Variants in CACNA1D observed in about 807,000 individuals in gnomAD.
The protein encoded by CACNA1D is calcium voltage-gated channel subunit alpha1 D.
In CACNA1D, 55 loss-of-function variants were observed where a neutral mutation model predicts 257.1. That is an observed-to-expected ratio of 0.21 (90% CI 0.17 to 0.27). CACNA1D has a LOEUF of 0.27. CACNA1D is among the 10% of genes least tolerant of loss of function. CACNA1D has a pLI of 1.00. For synonymous variants in CACNA1D, 980 were observed against 1,014.9 expected (o/e 0.97, Z 0.65); for missense variants, 1,876 against 2,784.0 (o/e 0.67, Z 7.34).
In CACNA1D at chr3:53,673,831, C is replaced by T. The variant is rs755418400; in HGVS notation, c.1220+705C>T. ...GTCCTTAGTGGGTAAGCAGTCGGAT[C>T]CGTGTTGCACCTTCTCCTGCTGCCA... On this transcript the variant is annotated intron_variant, in intron 8 of 47. Coordinates refer to ENST00000350061, the MANE Select transcript of CACNA1D (RefSeq NM_001128840.3). This position sits in a 1 kb window ranked among gnomAD's most constrained non-coding sequence, Gnocchi z 4.1. 6.6e-7 allele frequency: 1 copy of T among 1,513,174 alleles called. No individual in the cohort carries two copies. Among genetic ancestry groups the T allele is most frequent in the Non-Finnish European group, 9.2e-7 (1 of 1,088,018 alleles). The allele number at this position is 1,513,174 out of a possible 1,614,324, so 93.7% of individuals were successfully genotyped here. A position where few individuals can be genotyped will look rare whatever the true frequency, so the allele number is the denominator to read the frequency against.
intron 3 of CACNA1D, among the ~76,000 whole-genome samples, chr3:53,508,357 T>C (rs374287443): frequency 1.3e-5 from 2 of 152,246 alleles, no homozygotes; most frequent in African/African-American, 4.8e-5. Flanking sequence ...TGGGGGTACA[T>C]GTGAAGGTTT....
At chr3:53,792,451 A>G (rs1022126497) in intron 40 of CACNA1D, 3 of 152,230 alleles carry the variant, frequency 2.0e-5, no homozygotes, top group African/African-American at 4.8e-5. Context: ...TCTGAAGTGT[A>G]TAGAGAAAAG....
chr3:53,807,047 T>C (rs75617553), intron 45 of CACNA1D, among the ~76,000 whole-genome samples: 2,249 of 151,780 alleles, frequency 0.015, 26 homozygotes, highest in Middle Eastern at 0.027. Flanking sequence ...GCCCCGCAGC[T>C]CAGACCTTGG....
At chr3:53,560,400 A>G (rs1254071845) in intron 3 of CACNA1D, among the ~76,000 whole-genome samples, 1 of 152,174 alleles carries the variant, frequency 6.6e-6, no homozygotes, top group Non-Finnish European at 1.5e-5. Context: ...TAGTCTGTTT[A>G]TTTATTAATC....
rs1034967924 is a variant in CACNA1D, at chr3:53,647,794, T to C, written c.484-2985T>C. On this transcript the variant is annotated intron_variant, in intron 3 of 47. Transcript: ENST00000350061. ...TGAGGACCGGGATGACATTGGCTTCTAGACAAACTGGTCTGCCTGCTCTCC... is the reference window on the plus strand; with the variant it reads ...TGAGGACCGGGATGACATTGGCTTCCAGACAAACTGGTCTGCCTGCTCTCC... Among the ~76,000 whole-genome samples, 6 of 152,356 alleles carry C rather than the reference T, an allele frequency of 3.9e-5. No homozygotes were observed. In the East Asian group the frequency reaches 9.6e-4, roughly 24 times the overall value.
At chr3:53,685,056 G>C (rs759878332) in intron 8 of CACNA1D, among the ~76,000 whole-genome samples, 1 of 152,080 alleles carries the variant, frequency 6.6e-6, no homozygotes, top group Non-Finnish European at 1.5e-5. Flanking sequence ...AATTGCATTG[G>C]ACGAAAATGT....
At chr3:53,763,516 T>A (rs1166988881) in intron 30 of CACNA1D, among the ~76,000 whole-genome samples, 2 of 152,322 alleles carry the variant, frequency 1.3e-5, no homozygotes, top group East Asian at 3.9e-4. Flanking sequence ...GTCCAGTGTG[T>A]GTGCCGAGCC....
intron 15 of CACNA1D, among the ~76,000 whole-genome samples, chr3:53,729,497 G>A (rs1007132685): frequency 1.1e-4 from 16 of 152,102 alleles, no homozygotes; most frequent in African/African-American, 3.9e-4. Flanking sequence ...GTCACAGAAG[G>A]GGGCCTTCTC....
intron 5 of CACNA1D, among the ~76,000 whole-genome samples, chr3:53,662,877 C>T (rs375815333): frequency 2.0e-5 from 3 of 152,140 alleles, no homozygotes; most frequent in Non-Finnish European, 2.9e-5. Context: ...GAGCTAACTG[C>T]TGGGGGTTAG....
Position 53,774,358 on chromosome 3 carries a change from T to G in CACNA1D, c.4111-229T>G. ...ACCTTTGTGTCTCCCCCAGGGGAGATCCGCGAATGTGAGACCGTGCCCCTC... is the reference window on the plus strand; with the variant it reads ...ACCTTTGTGTCTCCCCCAGGGGAGAGCCGCGAATGTGAGACCGTGCCCCTC... On this transcript the variant is annotated intron_variant, in intron 33 of 47. Transcript: ENST00000350061. The surrounding 1 kb of genome is among the most constrained non-coding windows in gnomAD (Gnocchi z 4.3). The G allele has an allele frequency of 1.9e-6, 1 of 522,978 alleles. No individual in the cohort carries two copies. Among genetic ancestry groups the G allele is most frequent in the East Asian group, 3.5e-5 (1 of 28,772 alleles). 32.4% of individuals were successfully genotyped at this position (522,978 alleles called of 1,614,324 possible).
At chr3:53,760,840 G>A (rs1049024690) in intron 29 of CACNA1D, among the ~76,000 whole-genome samples, 25 of 152,346 alleles carry the variant, frequency 1.6e-4, no homozygotes, top group African/African-American at 5.8e-4. Context: ...CATTGCCCAT[G>A]TCAAGCACTG....
At chr3:53,738,613 A>G (rs1381601662) in intron 20 of CACNA1D, among the ~76,000 whole-genome samples, 1 of 152,162 alleles carries the variant, frequency 6.6e-6, no homozygotes, top group Non-Finnish European at 1.5e-5. Flanking sequence ...TTTTAATTAT[A>G]ACTGCTTCTC....
chr3:53,672,918 T>C (rs1012432331), intron 7 of CACNA1D, 105 bp from the exon 8 acceptor site: 1 of 759,860 alleles, frequency 1.3e-6, no homozygotes, highest in Non-Finnish European at 2.2e-6. Flanking sequence ...TAAATCTAAG[T>C]AAATGTTTAA....
At chr3:53,763,329 C>T (rs561200792) in intron 30 of CACNA1D, among the ~76,000 whole-genome samples, 121 of 152,306 alleles carry the variant, frequency 7.9e-4, no homozygotes, top group African/African-American at 2.8e-3. Flanking sequence ...ACCACTCTCC[C>T]TAGAAGCACT....
rs571831360 is a variant in CACNA1D, at chr3:53,598,875, T to G, written c.484-51904T>G. Among the ~76,000 whole-genome samples, 6 of 152,344 alleles carry G rather than the reference T, an allele frequency of 3.9e-5. No homozygotes were observed. In the East Asian group the frequency reaches 1.2e-3, roughly 29 times the overall value. On this transcript the variant is annotated intron_variant, in intron 3 of 47. Transcript: ENST00000350061. ...TGGCTCTGCAACTGTCCATGTCATC[T>G]TGGAAGATCTTTCTGAGTTGGGACA...
rs898158669 is a variant in CACNA1D at position 53,780,036 on chromosome 3, C to T, written c.4598C>T (p.Ala1533Val). The change falls in exon 38 of 48, where the codon GCC (alanine) becomes GTC (valine). Residue 1533 changes from alanine to valine, a missense_variant. By Grantham distance (64) the Ala-to-Val change is moderately conservative. Around this residue, in one of 10 missense-constraint regions of CACNA1D, gnomAD observed 83 missense variants for 210.7 expected, o/e 0.39. Transcript: ENST00000350061. Reference sequence around the variant, plus strand: ...CCTTTCTGTTTACAGAGATTAGTTGCCATGAACATGCCTCTCAACAGTGAC... The same window carrying T: ...CCTTTCTGTTTACAGAGATTAGTTGTCATGAACATGCCTCTCAACAGTGAC... The part of the protein sequence containing the change: ...PHRVACKRLV[A>V]MNMPLNSDGT... 1 of 1,612,032 alleles carries T rather than the reference C, an allele frequency of 6.2e-7. No homozygotes were observed. Among genetic ancestry groups the T allele is most frequent in the Non-Finnish European group, 8.5e-7 (1 of 1,178,090 alleles).
intron 2 of CACNA1D, among the ~76,000 whole-genome samples, chr3:53,499,161 C>T (rs1195108892): frequency 6.6e-6 from 1 of 152,142 alleles, no homozygotes; most frequent in Non-Finnish European, 1.5e-5. Context: ...TTTTTGCATG[C>T]AGAGTGAATT....
At position 53,800,210 on chromosome 3, in the gene CACNA1D, T is replaced by A. The variant is rs377139887; in HGVS notation, c.4924-39T>A. On this transcript the variant is annotated intron_variant, in intron 40 of 47. Coordinates refer to ENST00000350061, the MANE Select transcript of CACNA1D (RefSeq NM_001128840.3). This position sits in a 1 kb window ranked among gnomAD's most constrained non-coding sequence, Gnocchi z 4.3. ...GGACCCAGGCTGGCCCCAGGGCCCA[T>A]GTGTGGTCTAACCTGTTCTGCCATT... The A allele has an allele frequency of 7.1e-7, 1 of 1,407,858 alleles. No homozygotes were observed. Among genetic ancestry groups the A allele is most frequent in the South Asian group, 1.1e-5 (1 of 86,978 alleles). 87.2% of individuals were successfully genotyped at this position (1,407,858 alleles called of 1,614,324 possible).
chr3:53,504,690 A>AT (rs1396421448), intron 3 of CACNA1D, among the ~76,000 whole-genome samples: 6 of 150,940 alleles, frequency 4.0e-5, no homozygotes, highest in Non-Finnish European at 5.9e-5. Flanking sequence ...TGATTTTATT[A>AT]TTATTTTTTT....
Sources: gnomAD v4.1 joint callset for allele counts (sites outside exome capture counted in the v4.1 genomes callset) on GRCh38, gnomAD v4.1.1 for gene constraint, gnomAD v4.1.1 regional missense constraint, Gnocchi (gnomAD v3.1) non-coding constraint, MANE v1.5 for transcripts, NCBI Gene and HGNC (gene_info 2026-07-23, HGNC 2026-07-21) for gene names.